The following SH2B1 variants were observed in gnomAD, a reference collection of about 807,000 sequenced individuals.
SH2B1 encodes the protein SH2B adapter protein 1.
A neutral mutation model predicts 62.6 loss-of-function variants in SH2B1; 15 were observed. The observed-to-expected ratio is 0.24, with a 90% CI of 0.16 to 0.37. The LOEUF is 0.37. Ranked by LOEUF, SH2B1 falls within the 10% of genes least tolerant of loss-of-function variation. SH2B1 has a pLI of 1.00. For synonymous variants in SH2B1, 443 were observed against 438.0 expected, an observed-to-expected ratio of 1.01 and a Z score of -0.14; for missense variants, 925 against 1,015.6, an observed-to-expected ratio of 0.91 and a Z score of 1.21.
chr16:28,855,464 G>C (rs867828586), intron 1 of SH2B1, among the ~76,000 whole-genome samples: 1 of 152,120 alleles, frequency 6.6e-6, no homozygotes, highest in Middle Eastern at 3.4e-3. Flanking sequence ...CGAGTGATCT[G>C]CCCGTCTCTG....
upstream of SH2B1, among the ~76,000 whole-genome samples, chr16:28,860,041 T>G (rs1042664257): frequency 6.6e-6 from 1 of 151,910 alleles, no homozygotes; most frequent in African/African-American, 2.4e-5. Flanking sequence ...CCACCAACCT[T>G]CTCCGCAACC....
intron 1 of SH2B1, among the ~76,000 whole-genome samples, chr16:28,855,830 G>GTTTTTTTT (rs1567460763): frequency 5.8e-5 from 7 of 120,354 alleles, no homozygotes; most frequent in Admixed American, 9.0e-5. Flanking sequence ...TTTTTTTTTG[G>GTTTTTTTT]ATTTTTAGTA....
Position 28,866,086 on chromosome 16 carries a change from G to T in SH2B1, c.-9G>T. 1 of 1,542,068 alleles carries T rather than the reference G, an allele frequency of 6.5e-7. No homozygotes were observed. On this transcript the variant is annotated 5_prime_UTR_variant, in exon 1 of 8. Coordinates refer to ENST00000684370, the MANE Select transcript of SH2B1 (RefSeq NM_001387430.1). The surrounding 1 kb of genome is among the most constrained non-coding windows in gnomAD (Gnocchi z 6.3). Reference sequence around the variant, plus strand: ...ACAGGCTCCCCCTCTCCACCTCCTGGGGCCCATCATGAATGGTGCCCCTTC... The same window carrying T: ...ACAGGCTCCCCCTCTCCACCTCCTGTGGCCCATCATGAATGGTGCCCCTTC...
rs1962609161 is a variant in SH2B1, at chr16:28,865,028, T to G, written c.-1067T>G. 1 of 929,958 alleles carries G rather than the reference T, an allele frequency of 1.1e-6. No individual in the cohort carries two copies. The highest frequency in any genetic ancestry group is 1.3e-6 in the Non-Finnish European group (1 of 779,570). The allele number at this position is 929,958 out of a possible 1,614,324, so 57.6% of individuals were successfully genotyped here. A position where few individuals can be genotyped will look rare whatever the true frequency, so the allele number is the denominator to read the frequency against. On this transcript the variant is annotated 5_prime_UTR_variant, in exon 1 of 8. Transcript: ENST00000684370. ...CTCATAAGGTGGCTGGACTGGGTGC[T>G]CATAAGGTGGTTTGAGCCCTGGTCT...
At position 28,866,690 on chromosome 16, in the gene SH2B1, A is replaced by G; in HGVS notation, c.596A>G (p.Asn199Ser). 2 of 1,600,300 alleles carry G rather than the reference A, an allele frequency of 1.2e-6. No homozygotes were observed. The highest frequency in any genetic ancestry group is 1.7e-6 in the Non-Finnish European group (2 of 1,172,642). Residue 199 changes from asparagine (N) to serine (S), a missense_variant, in exon 1 of 8, where the codon AAC becomes AGC. Asn to Ser is a conservative substitution (Grantham distance 46). Around this residue, in one of 3 missense-constraint regions of SH2B1, gnomAD observed 683 missense variants for 704.0 expected, o/e 0.97. Transcript: ENST00000684370. The surrounding 1 kb of genome is among the most constrained non-coding windows in gnomAD (Gnocchi z 6.3). ...CCCCCAGTCTTAGGTGGAAACAGCA[A>G]CTCCAACTCCTCTGGCGGGGCTGGG... Reference protein sequence around the residue: ...SGPPVLGGNSNSNSSGGAGTV... With the variant: ...SGPPVLGGNSSSNSSGGAGTV...
exon 1 of SH2B1, chr16:28,846,778 T>C (rs1961981431): frequency 6.4e-6 from 1 of 157,380 alleles, no homozygotes; most frequent in African/African-American, 2.4e-5. Flanking sequence ...GGAGTCCGAC[T>C]CGCTACGCGG....
Position 28,873,183 on chromosome 16 carries a change from T to G in SH2B1, c.1898-264T>G, listed in dbSNP as rs768518369. On this transcript the variant is annotated intron_variant, in intron 7 of 7. Coordinates refer to ENST00000684370, the MANE Select transcript of SH2B1 (RefSeq NM_001387430.1). This position sits in a 1 kb window ranked among gnomAD's most constrained non-coding sequence, Gnocchi z 4.2. ...CCCTCCCCCCAGGCCGGGAGCAGGCTGGGAGCCATGCGGGGGTGTGCGAGG... is the reference window on the plus strand; with the variant it reads ...CCCTCCCCCCAGGCCGGGAGCAGGCGGGGAGCCATGCGGGGGTGTGCGAGG... 44 of 1,578,542 alleles carry G rather than the reference T, an allele frequency of 2.8e-5. No individual in the cohort carries two copies. The highest frequency in any genetic ancestry group is 3.8e-5 in the Non-Finnish European group (44 of 1,169,016).
In SH2B1 at chr16:28,872,850, T is replaced by TCGGGGTTTGGAAGGGAAAGAAATG; in HGVS notation, c.1897+148_1897+171dup. On this transcript the variant is annotated intron_variant, in intron 7 of 7. Transcript: ENST00000684370. The surrounding 1 kb of genome is among the most constrained non-coding windows in gnomAD (Gnocchi z 5.3). The stretch of plus-strand genomic sequence containing the variant: ...GCAGGGTAGAGGAGGCTGTTGTGCC[T>TCGGGGTTTGGAAGGGAAAGAAATG]CGGGGTTTGGAAGGGAAAGAAATGC... 1.8e-6 allele frequency: 2 copies of TCGGGGTTTGGAAGGGAAAGAAATG among 1,128,182 alleles called. No individual in the cohort carries two copies. Among genetic ancestry groups the TCGGGGTTTGGAAGGGAAAGAAATG allele is most frequent in the Non-Finnish European group, 2.6e-6 (2 of 771,330 alleles). 69.9% of individuals were successfully genotyped at this position (1,128,182 alleles called of 1,614,324 possible).
rs202224559 is a variant in SH2B1 at position 28,852,385 on chromosome 16, T to C, written c.-301+5558T>C. 2.9e-3 allele frequency among the ~76,000 whole-genome samples: 134 copies of C among 46,870 alleles called. 14 individuals are homozygous for C. The highest frequency in any genetic ancestry group is 6.6e-3 in the South Asian group (5 of 760). The allele number at this position is 46,870 out of a possible 152,430, so 30.7% of individuals were successfully genotyped here. A position where few individuals can be genotyped will look rare whatever the true frequency, so the allele number is the denominator to read the frequency against. ...ATATTTATATATATTTACATATATT[T>C]ATATATATACATATATATTTACATA... On this transcript the variant is annotated intron_variant, in intron 1 of 10. Coordinates refer to the SH2B1 transcript ENST00000322610.
In SH2B1 at chr16:28,865,466, G is replaced by C; in HGVS notation, c.-629G>C. Reference sequence around the variant, plus strand: ...TCCCAGCTCCTCTCTAGCCCCCTGCGAGCTGGGGCGGTGAGGTGCTATGGC... The same window carrying C: ...TCCCAGCTCCTCTCTAGCCCCCTGCCAGCTGGGGCGGTGAGGTGCTATGGC... On this transcript the variant is annotated 5_prime_UTR_variant, in exon 1 of 8. Coordinates refer to ENST00000684370, the MANE Select transcript of SH2B1 (RefSeq NM_001387430.1). 1 of 985,594 alleles carries C rather than the reference G, an allele frequency of 1.0e-6. No homozygotes were observed. The highest frequency in any genetic ancestry group is 1.2e-6 in the Non-Finnish European group (1 of 829,964). 61.1% of individuals were successfully genotyped at this position (985,594 alleles called of 1,614,324 possible).
In SH2B1 at chr16:28,873,683, T is replaced by C; in HGVS notation, c.2134T>C (p.Ser712Pro). The change falls in exon 8 of 8, where the codon TCA becomes CCA. Residue 712 changes from serine (S) to proline (P), a missense_variant. Ser to Pro is a moderately conservative substitution (Grantham distance 74, BLOSUM62 -1). Around this residue, in one of 3 missense-constraint regions of SH2B1, gnomAD observed 185 missense variants for 189.5 expected, o/e 0.98. Coordinates refer to ENST00000684370, the MANE Select transcript of SH2B1 (RefSeq NM_001387430.1). This position sits in a 1 kb window ranked among gnomAD's most constrained non-coding sequence, Gnocchi z 4.2. Reference protein sequence around the residue: ...VELEEAIAPGSEAQGAGSGGD... With the variant: ...VELEEAIAPGPEAQGAGSGGD... The stretch of plus-strand genomic sequence containing the variant: ...ATTGGAAGAGGCCATAGCCCCAGGC[T>C]CAGAGGCCCAGGGCGCTGGGTCTGG... 3 of 1,520,102 alleles carry C rather than the reference T, an allele frequency of 2.0e-6. No individual in the cohort carries two copies. Among genetic ancestry groups the C allele is most frequent in the Non-Finnish European group, 2.7e-6 (3 of 1,131,548 alleles). The allele number at this position is 1,520,102 out of a possible 1,614,324, so 94.2% of individuals were successfully genotyped here.
Position 28,872,793 on chromosome 16 carries a change from G to C in SH2B1, c.1897+88G>C. ...CCAGAAAGATGGGGCGGGGAGGGGG[G>C]ACTATCACAAGGAGAAGCTTTGCTT... On this transcript the variant is annotated intron_variant, in intron 7 of 7. Coordinates refer to ENST00000684370, the MANE Select transcript of SH2B1 (RefSeq NM_001387430.1). The surrounding 1 kb of genome is among the most constrained non-coding windows in gnomAD (Gnocchi z 5.3). 1 of 1,518,444 alleles carries C rather than the reference G, an allele frequency of 6.6e-7. No individual in the cohort carries two copies. Among genetic ancestry groups the C allele is most frequent in the East Asian group, 2.4e-5 (1 of 42,504 alleles). 94.1% of individuals were successfully genotyped at this position (1,518,444 alleles called of 1,614,324 possible).
chr16:28,854,031 G>A (rs1184670522), intron 1 of SH2B1, among the ~76,000 whole-genome samples: 1 of 139,224 alleles, frequency 7.2e-6, no homozygotes, highest in Non-Finnish European at 1.5e-5. Flanking sequence ...AAAAAAAAGT[G>A]CATCATCTCA....
intron 1 of SH2B1, among the ~76,000 whole-genome samples, chr16:28,853,375 T>C (rs955967359): frequency 1.3e-5 from 2 of 150,426 alleles, no homozygotes; most frequent in African/African-American, 2.4e-5. Flanking sequence ...AGCTAATTTT[T>C]TGTAGTTTTA....
rs183106927 is a variant in SH2B1 at position 28,853,036 on chromosome 16, A to G, written c.-301+6209A>G. Among the ~76,000 whole-genome samples the G allele has an allele frequency of 3.9e-3, 374 of 94,954 alleles. 7 individuals are homozygous for G. The highest frequency in any genetic ancestry group is 0.019 in the African/African-American group (359 of 19,250). The allele number at this position is 94,954 out of a possible 152,430, so 62.3% of individuals were successfully genotyped here. On this transcript the variant is annotated intron_variant, in intron 1 of 10. Transcript: ENST00000322610. ...TATTTATATATGTACATATATATGT[A>G]CATATATATTTATATATGTACATAT...
Position 28,869,357 on chromosome 16 carries a change from G to A in SH2B1, c.1283G>A (p.Ser428Asn), listed in dbSNP as rs1385605826. 1 of 1,613,896 alleles carries A rather than the reference G, an allele frequency of 6.2e-7. No homozygotes were observed. Among genetic ancestry groups the A allele is most frequent in the Non-Finnish European group, 8.5e-7 (1 of 1,179,950 alleles). ...LPSQDLLLGP[S>N]ESNDRLSQGA... ...AGCCAGGACCTGCTGCTTGGACCCAGCGAGAGCAATGACCGCCTGTCGCAG... is the reference window on the plus strand; with the variant it reads ...AGCCAGGACCTGCTGCTTGGACCCAACGAGAGCAATGACCGCCTGTCGCAG... Residue 428 changes from serine (S) to asparagine (N), a missense_variant, in exon 4 of 8, where the codon AGC becomes AAC. Ser to Asn is a conservative substitution (Grantham distance 46). This residue lies in a region of SH2B1 where 683 missense variants were observed against 704.0 expected (regional missense o/e 0.97). Coordinates refer to ENST00000684370, the MANE Select transcript of SH2B1 (RefSeq NM_001387430.1).
At chr16:28,856,701 ACTCTTC>A (rs1179365143) in intron 1 of SH2B1, among the ~76,000 whole-genome samples, 3 of 110,578 alleles carry the variant, frequency 2.7e-5, no homozygotes, top group Non-Finnish European at 4.6e-5. Flanking sequence ...GGCATCCTTC[ACTCTTC>A]ACTCTTCCCA....
intron 2 of SH2B1, among the ~76,000 whole-genome samples, chr16:28,868,119 C>G (rs1307447787): frequency 6.6e-6 from 1 of 151,952 alleles, no homozygotes; most frequent in Admixed American, 6.6e-5. Context: ...AGCCACTGTG[C>G]CTGGCCTTAT....
intron 1 of SH2B1, among the ~76,000 whole-genome samples, chr16:28,847,642 C>A (rs573643212): frequency 5.9e-5 from 9 of 151,720 alleles, no homozygotes; most frequent in Admixed American, 3.3e-4. Context: ...GATTAGGAGA[C>A]CCTATCTCTA....
Sources: gnomAD v4.1 joint callset for allele counts (sites outside exome capture counted in the v4.1 genomes callset) on GRCh38, gnomAD v4.1.1 for gene constraint, gnomAD v4.1.1 regional missense constraint, Gnocchi (gnomAD v3.1) non-coding constraint, MANE v1.5 for transcripts, NCBI Gene and HGNC (gene_info 2026-07-23, HGNC 2026-07-21) for gene names.